PKM: variants seen among roughly 807,000 people sequenced by gnomAD.
PKM encodes the protein pyruvate kinase M1/2.
In PKM, 18 loss-of-function variants were observed where a neutral mutation model predicts 49.8. The ratio of observed to expected loss-of-function variants is 0.36; its 90% CI spans 0.25 to 0.54. The LOEUF (loss-of-function observed/expected upper bound fraction) is 0.54, where lower values mean the gene tolerates loss of function less well. Ranked by LOEUF, PKM falls within the 20% of genes least tolerant of loss-of-function variation. The probability of loss-of-function intolerance (pLI) is 0.89; values close to 1 mark genes in which losing one functional copy is unlikely to be tolerated. For missense variants in PKM, 508 were observed against 713.8 expected, an observed-to-expected ratio of 0.71 and a Z score of 3.28; for synonymous variants, 239 against 261.8, an observed-to-expected ratio of 0.91 and a Z score of 0.84.
rs8192407 is a variant in PKM, at chr15:72,209,809, C to A, written c.429G>T (p.Thr143=). 11 of 1,614,028 alleles carry A rather than the reference C, an allele frequency of 6.8e-6. No individual in the cohort carries two copies. The East Asian group carries it at 2.0e-4, about 29-fold the overall frequency. Residue 143 remains threonine (T), a synonymous_variant, in exon 5 of 11, where the codon ACG becomes ACT. Coordinates refer to ENST00000335181, the MANE Select transcript of PKM (RefSeq NM_002654.6). The stretch of plus-strand genomic sequence containing the variant: ...ACTTTTCCATGTAGGCGTTATCCAG[C>A]GTGATTTTGAGAGTGGCTCCCTTCT... ...ELKKGATLKI[T]LDNAYMEKCD... is the part of the protein sequence containing the mutation.
chr15:72,213,392 A>G (rs549270054), intron 3 of PKM, among the ~76,000 whole-genome samples: 116 of 152,308 alleles, frequency 7.6e-4, no homozygotes, highest in African/African-American at 2.6e-3. Flanking sequence ...TGAACTTTGA[A>G]GGGGAGACAA....
In PKM at chr15:72,200,137, A is replaced by C. The variant is rs1318973038; in HGVS notation, c.1489+337T>G. Among the ~76,000 whole-genome samples the C allele has an allele frequency of 1.3e-5, 2 of 152,098 alleles. No homozygotes were observed. The highest frequency in any genetic ancestry group is 4.1e-4 in the South Asian group (2 of 4,826). On this transcript the variant is annotated intron_variant, in intron 10 of 10. Coordinates refer to ENST00000335181, the MANE Select transcript of PKM (RefSeq NM_002654.6). This position sits in a 1 kb window ranked among gnomAD's most constrained non-coding sequence, Gnocchi z 4.6. ...GAGCTGTGGCCAATTTTATTTAAAA[A>C]AAAAACAAAAAACAAAAAAAACTCT...
intron 8 of PKM, chr15:72,204,235 TG>T: frequency 1.3e-5 from 2 of 152,288 alleles, no homozygotes; most frequent in East Asian, 3.9e-4. Flanking sequence ...GAACAGTTAA[TG>T]GAAGGAACTG....
chr15:72,224,922 C>CTT (rs144572779), intron 1 of PKM, among the ~76,000 whole-genome samples: 1 of 81,602 alleles, frequency 1.2e-5, no homozygotes, highest in African/African-American at 4.3e-5. Context: ...TTTCTTTTTT[C>CTT]TTTTTTTTTT....
intron 1 of PKM, chr15:72,228,768 T>G (rs1017099185): frequency 2.3e-6 from 1 of 432,656 alleles, no homozygotes; most frequent in African/African-American, 2.1e-5. Flanking sequence ...AGCAGGGGAG[T>G]CCTGACCTCC....
Position 72,199,274 on chromosome 15 carries a change from G to A in PKM, c.*376C>T, listed in dbSNP as rs2081868539. On this transcript the variant is annotated 3_prime_UTR_variant, in exon 11 of 11. Coordinates refer to ENST00000335181, the MANE Select transcript of PKM (RefSeq NM_002654.6). Reference sequence around the variant, plus strand: ...GCCCTAAGGCCCCTAACTCTTGCTGGCTGTTTCTTGACCCCAAGCCAGGGT... The same window carrying A: ...GCCCTAAGGCCCCTAACTCTTGCTGACTGTTTCTTGACCCCAAGCCAGGGT... 2.6e-6 allele frequency: 1 copy of A among 387,876 alleles called. No individual in the cohort carries two copies. The highest frequency in any genetic ancestry group is 3.6e-5 in the Admixed American group (1 of 28,106). The allele number at this position is 387,876 out of a possible 1,614,324, so 24.0% of individuals were successfully genotyped here.
chr15:72,212,460 C>T (rs1410970161), intron 3 of PKM, among the ~76,000 whole-genome samples: 5 of 145,762 alleles, frequency 3.4e-5, no homozygotes, highest in Non-Finnish European at 6.0e-5. Flanking sequence ...GGGCGACAGA[C>T]AGAGTGAGAT....
At chr15:72,211,379 T>C (rs2082250593) in intron 3 of PKM, among the ~76,000 whole-genome samples, 1 of 152,198 alleles carries the variant, frequency 6.6e-6, no homozygotes. Flanking sequence ...AATCACTTTC[T>C]AGATTCTGAT....
chr15:72,230,572 C>T (rs974761856), intron 1 of PKM, among the ~76,000 whole-genome samples: 1 of 151,914 alleles, frequency 6.6e-6, no homozygotes, highest in Admixed American at 6.5e-5. Flanking sequence ...AACTGGGGCG[C>T]GGGAAGGGCG....
intron 10 of PKM, among the ~76,000 whole-genome samples, chr15:72,199,959 G>A (rs76456335): frequency 4.6e-5 from 7 of 152,226 alleles, no homozygotes; most frequent in Non-Finnish European, 1.0e-4. Flanking sequence ...GGGTTGGCAG[G>A]GACCTTTGGA....
Position 72,206,776 on chromosome 15 carries a change from T to C in PKM, c.1092A>G (p.Glu364=), listed in dbSNP as rs1477987220. ...CCAGAGGATAGTCCCCTTTGGCTGT[T>C]TCTCCAGACAGCATGATGCAGTCGG... The part of the protein sequence containing the change: ...DGADCIMLSG[E]TAKGDYPLEA... The change falls in exon 8 of 11, where the codon GAA becomes GAG. Residue 364 remains glutamate (E), a synonymous_variant. Transcript: ENST00000335181. 6.2e-7 allele frequency: 1 copy of C among 1,614,060 alleles called. No individual in the cohort carries two copies. The highest frequency in any genetic ancestry group is 1.1e-5 in the South Asian group (1 of 91,064).
At chr15:72,212,204 C>T (rs906319868) in intron 3 of PKM, among the ~76,000 whole-genome samples, 10 of 152,126 alleles carry the variant, frequency 6.6e-5, no homozygotes, top group African/African-American at 1.7e-4. Flanking sequence ...AGGCTGGGCG[C>T]GGTGGCTCAC....
intron 8 of PKM, 37 bp downstream of exon 8, chr15:72,206,691 C>T (rs746084948): frequency 1.4e-5 from 23 of 1,608,512 alleles, no homozygotes; most frequent in East Asian, 8.9e-5. Flanking sequence ...AGGCCCAGTC[C>T]GAAGCCCTGG....
At chr15:72,216,062 T>A (rs552680769) in intron 3 of PKM, among the ~76,000 whole-genome samples, 8 of 152,354 alleles carry the variant, frequency 5.3e-5, no homozygotes, top group African/African-American at 1.4e-4. Context: ...GAATCTATGA[T>A]GAAGAGTCTT....
chr15:72,219,276 T>C, intron 1 of PKM, 166 bp from the exon 2 acceptor site: 2 of 622,266 alleles, frequency 3.2e-6, no homozygotes, highest in Non-Finnish European at 5.6e-6. Context: ...CTCCTCATGT[T>C]AGAAAAAGGG....
rs750663880 is a variant in PKM at position 72,202,732 on chromosome 15, G to A, written c.1141-112C>T. 140 of 978,434 alleles carry A rather than the reference G, an allele frequency of 1.4e-4. No individual in the cohort carries two copies. The highest frequency in any genetic ancestry group is 2.2e-4 in the African/African-American group (14 of 62,276). The allele number at this position is 978,434 out of a possible 1,614,324, so 60.6% of individuals were successfully genotyped here. On this transcript the variant is annotated intron_variant, in intron 8 of 10. Coordinates refer to ENST00000335181, the MANE Select transcript of PKM (RefSeq NM_002654.6). The surrounding 1 kb of genome is among the most constrained non-coding windows in gnomAD (Gnocchi z 4.5). ...TCACCGGACAGCTGGTGAGGAACAT[G>A]TTCCTGGGAACAAAGGCCAAGAGGA...
At chr15:72,206,646 CT>C in intron 8 of PKM, 81 bp downstream of exon 8, 1 of 1,393,756 alleles carries the variant, frequency 7.2e-7, no homozygotes, top group Non-Finnish European at 1.0e-6. Context: ...ATGGAGAAAC[CT>C]AAAAAGCTCT....
chr15:72,218,452 C>T (rs2082430945), intron 2 of PKM, among the ~76,000 whole-genome samples: 1 of 151,860 alleles, frequency 6.6e-6, no homozygotes, highest in South Asian at 2.1e-4. Flanking sequence ...GACAGGATCT[C>T]GCTCTGTTGC....
intron 1 of PKM, among the ~76,000 whole-genome samples, chr15:72,223,648 A>G (rs558465235): frequency 1.3e-5 from 2 of 152,350 alleles, no homozygotes; most frequent in South Asian, 2.1e-4. Flanking sequence ...TAGGCCAGCA[A>G]CATGATCAAA....
Sources: allele counts gnomAD v4.1 joint callset (sites outside exome capture counted in the v4.1 genomes callset), GRCh38; gene constraint gnomAD v4.1.1; non-coding constraint Gnocchi (gnomAD v3.1); transcripts MANE v1.5; gene names NCBI Gene and HGNC (gene_info 2026-07-23, HGNC 2026-07-21).